The following GALNT2 variants were observed in gnomAD, a reference collection of about 807,000 sequenced individuals.
The protein encoded by GALNT2 is polypeptide N-acetylgalactosaminyltransferase 2.
A neutral mutation model predicts 81.4 loss-of-function variants in GALNT2; 31 were observed. The observed-to-expected ratio is 0.38, with a 90% CI of 0.29 to 0.51. The LOEUF is 0.51. Among genes scored for constraint, GALNT2 ranks in the 20% least tolerant of loss-of-function variants. The probability of loss-of-function intolerance (pLI) is 0.87; values close to 1 mark genes in which losing one functional copy is unlikely to be tolerated. For missense variants in GALNT2, 629 were observed against 765.7 expected, an observed-to-expected ratio of 0.82 and a Z score of 2.11; for synonymous variants, 303 against 287.4, an observed-to-expected ratio of 1.05 and a Z score of -0.55.
At chr1:230,255,937 A>C (rs895591733) in intron 11 of GALNT2, among the ~76,000 whole-genome samples, 2 of 152,216 alleles carry the variant, frequency 1.3e-5, no homozygotes, top group African/African-American at 4.8e-5. Flanking sequence ...AAATTTATCT[A>C]CTCATAGTTC....
intron 14 of GALNT2, among the ~76,000 whole-genome samples, chr1:230,269,479 A>G (rs568293094): frequency 1.3e-5 from 2 of 152,158 alleles, no homozygotes; most frequent in South Asian, 4.2e-4. Flanking sequence ...AGCCACCACA[A>G]CCAGCCTGCC....
chr1:230,212,323 A>AG (rs1203719027), intron 3 of GALNT2, among the ~76,000 whole-genome samples: 5 of 152,224 alleles, frequency 3.3e-5, no homozygotes, highest in African/African-American at 9.6e-5. Flanking sequence ...AAAAAATGGA[A>AG]GAGATGGGTG....
At chr1:230,158,266 C>T (rs745635147) in intron 1 of GALNT2, among the ~76,000 whole-genome samples, 6 of 152,158 alleles carry the variant, frequency 3.9e-5, no homozygotes, top group Non-Finnish European at 8.8e-5. Context: ...CCAGAGGTTC[C>T]AGCCAGGAAC....
At chr1:230,181,308 T>C (rs770872107) in intron 2 of GALNT2, among the ~76,000 whole-genome samples, 10 of 152,062 alleles carry the variant, frequency 6.6e-5, no homozygotes, top group Non-Finnish European at 1.3e-4. Context: ...TGAATGGGTG[T>C]TGGATTTTGT....
At chr1:230,065,536 C>T (rs886643131), upstream of GALNT2, among the ~76,000 whole-genome samples, 2 of 152,056 alleles carry the variant, frequency 1.3e-5, no homozygotes, top group Admixed American at 6.5e-5. Flanking sequence ...TTTTCATCAG[C>T]GAAAATGTTA....
chr1:230,270,607 C>T (rs941947760), intron 14 of GALNT2, among the ~76,000 whole-genome samples: 3 of 152,210 alleles, frequency 2.0e-5, no homozygotes, highest in Non-Finnish European at 2.9e-5. Context: ...ACCCACTGTG[C>T]GTGAGTCCTC....
At chr1:230,137,757 G>T (rs1164090243) in intron 1 of GALNT2, among the ~76,000 whole-genome samples, 1 of 152,096 alleles carries the variant, frequency 6.6e-6, no homozygotes, top group Admixed American at 6.5e-5. Flanking sequence ...AAAAGGAGAA[G>T]AAAAAAGTAG....
chr1:230,151,463 G>A (rs544984797), intron 1 of GALNT2, among the ~76,000 whole-genome samples: 2 of 152,338 alleles, frequency 1.3e-5, no homozygotes, highest in African/African-American at 4.8e-5. Context: ...GTAATGCATG[G>A]TCTAGTTGTT....
intron 2 of GALNT2, among the ~76,000 whole-genome samples, chr1:230,179,334 G>T (rs1663086936): frequency 6.6e-6 from 1 of 152,132 alleles, no homozygotes; most frequent in Admixed American, 6.5e-5. Flanking sequence ...ATGATTGCTG[G>T]ATCATATGGT....
chr1:230,237,842 TAA>T (rs773679796), intron 6 of GALNT2, among the ~76,000 whole-genome samples: 33 of 139,956 alleles, frequency 2.4e-4, no homozygotes, highest in Non-Finnish European at 3.0e-4. Flanking sequence ...GCACAGGCTT[TAA>T]AAAAAAAAAA....
chr1:230,265,564 A>C (rs1038683074), intron 14 of GALNT2, among the ~76,000 whole-genome samples, 197 bp downstream of exon 14: 9 of 152,210 alleles, frequency 5.9e-5, no homozygotes, highest in Admixed American at 2.0e-4. Flanking sequence ...ACTTTGGTGC[A>C]TCAGCTCTGT....
intron 1 of GALNT2, among the ~76,000 whole-genome samples, chr1:230,172,490 C>T (rs1463794157): frequency 6.6e-6 from 1 of 152,254 alleles, no homozygotes. Flanking sequence ...TTTTAAGCTA[C>T]TGAGTTTTGC....
intron 6 of GALNT2, among the ~76,000 whole-genome samples, chr1:230,239,457 A>G (rs146666231): frequency 7.9e-5 from 12 of 152,348 alleles, no homozygotes; most frequent in Non-Finnish European, 1.6e-4. Context: ...CAGTGGTTGA[A>G]TGTCCAATAG....
chr1:230,267,999 A>G (rs1376661026), intron 14 of GALNT2, among the ~76,000 whole-genome samples: 1 of 152,162 alleles, frequency 6.6e-6, no homozygotes, highest in African/African-American at 2.4e-5. Flanking sequence ...TTCCTTCTAC[A>G]CTGATAACAG....
rs1666379999 is a variant in GALNT2 at position 230,279,505 on chromosome 1, G to T, written c.*47G>T. ...GTCCTGTCTCCTGCACCATTGGGTG[G>T]AGTCTGGTGATCACATTATTGATTA... On this transcript the variant is annotated 3_prime_UTR_variant, in exon 16 of 16. Transcript: ENST00000366672. This position sits in a 1 kb window ranked among gnomAD's most constrained non-coding sequence, Gnocchi z 4.6. The T allele has an allele frequency of 6.3e-7, 1 of 1,583,740 alleles. No homozygotes were observed. The highest frequency in any genetic ancestry group is 8.6e-7 in the Non-Finnish European group (1 of 1,161,370).
intron 1 of GALNT2, among the ~76,000 whole-genome samples, chr1:230,156,099 T>C (rs954248142): frequency 2.0e-5 from 3 of 151,810 alleles, no homozygotes; most frequent in African/African-American, 4.8e-5. Context: ...GAGAGAGTCA[T>C]TGATTTTAGA....
At chr1:230,172,086 C>G (rs1444467333) in intron 1 of GALNT2, among the ~76,000 whole-genome samples, 2 of 152,182 alleles carry the variant, frequency 1.3e-5, no homozygotes, top group African/African-American at 4.8e-5. Flanking sequence ...TCCACCAAAC[C>G]CGATTTCACG....
chr1:230,204,314 G>A (rs1373295422), intron 3 of GALNT2, among the ~76,000 whole-genome samples: 1 of 152,012 alleles, frequency 6.6e-6, no homozygotes, highest in Non-Finnish European at 1.5e-5. Flanking sequence ...AATTACAGCT[G>A]CCTGCCACCA....
intron 1 of GALNT2, chr1:230,092,165 A>G (rs1660103604): frequency 2.2e-5 from 1 of 46,354 alleles, no homozygotes; most frequent in Non-Finnish European, 4.1e-5. Flanking sequence ...AGTTCACCTT[A>G]TATTCCTTTA....
Sources: gnomAD v4.1 joint callset for allele counts (sites outside exome capture counted in the v4.1 genomes callset) on GRCh38, gnomAD v4.1.1 for gene constraint, Gnocchi (gnomAD v3.1) non-coding constraint, MANE v1.5 for transcripts, NCBI Gene and HGNC (gene_info 2026-07-23, HGNC 2026-07-21) for gene names.